SYNJ1: variants seen among roughly 807,000 people sequenced by gnomAD.
The protein encoded by SYNJ1 is polyphosphatidylinositol phosphatase SYNJ1.
In SYNJ1, 78 loss-of-function variants were observed where a neutral mutation model predicts 168.2. That is an observed-to-expected ratio of 0.46 (90% CI 0.39 to 0.56). The LOEUF (loss-of-function observed/expected upper bound fraction) is 0.56, where lower values mean the gene tolerates loss of function less well. Ranked by LOEUF, SYNJ1 falls within the 20% of genes least tolerant of loss-of-function variation. SYNJ1 has a pLI of 0.00. For missense variants in SYNJ1, 1,303 were observed against 1,597.6 expected (o/e 0.82, Z 3.14); for synonymous variants, 539 against 548.6 (o/e 0.98, Z 0.24).
At chr21:32,714,201 C>T (rs892054423) in intron 2 of SYNJ1, among the ~76,000 whole-genome samples, 2 of 152,054 alleles carry the variant, frequency 1.3e-5, no homozygotes, top group South Asian at 2.1e-4. Flanking sequence ...AACTGAAAGG[C>T]GGCCAATGAG....
At chr21:32,660,490 T>G (rs2040648570) in intron 18 of SYNJ1, among the ~76,000 whole-genome samples, 1 of 152,248 alleles carries the variant, frequency 6.6e-6, no homozygotes, top group Non-Finnish European at 1.5e-5. Flanking sequence ...CATGTTGGAC[T>G]CAGTTTATTC....
At chr21:32,639,227 C>A in intron 30 of SYNJ1, 102 bp from the exon 31 acceptor site, 1 of 1,065,732 alleles carries the variant, frequency 9.4e-7, no homozygotes, top group Non-Finnish European at 1.3e-6. Flanking sequence ...TATTTCTTCC[C>A]CCAATAAGTA....
Position 32,669,995 on chromosome 21 carries a change from A to G in SYNJ1, c.1811+293T>C, listed in dbSNP as rs566118035. 3.3e-5 allele frequency among the ~76,000 whole-genome samples: 5 copies of G among 152,334 alleles called. No individual in the cohort carries two copies. The East Asian group carries it at 9.6e-4, about 29-fold the overall frequency. Reference sequence around the variant, plus strand: ...AAAAATTTATTTTAAGTTAGCATGTAATAGGTTTATTATTGTTTTTAAGTG... The same window carrying G: ...AAAAATTTATTTTAAGTTAGCATGTGATAGGTTTATTATTGTTTTTAAGTG... On this transcript the variant is annotated intron_variant, in intron 15 of 32. Transcript: ENST00000674351.
At chr21:32,640,909 CCTGA>C (rs2145735323) in intron 29 of SYNJ1, among the ~76,000 whole-genome samples, 1 of 152,234 alleles carries the variant, frequency 6.6e-6, no homozygotes, top group East Asian at 1.9e-4. Context: ...TCACAAAAAT[CCTGA>C]CTTTCTTTTC....
At chr21:32,686,876 T>G in intron 8 of SYNJ1, 102 bp downstream of exon 8, 2 of 799,424 alleles carry the variant, frequency 2.5e-6, no homozygotes, top group East Asian at 6.5e-5. Context: ...TTCTTGGAAG[T>G]AATTTACTTC....
At chr21:32,675,539 C>T (rs375832931) in intron 13 of SYNJ1, among the ~76,000 whole-genome samples, 7 of 152,204 alleles carry the variant, frequency 4.6e-5, no homozygotes, top group South Asian at 4.1e-4. Context: ...CTACCCTTCT[C>T]GAGAAAATAA....
At chr21:32,657,982 A>C (rs2833936) in intron 18 of SYNJ1, 110 bp from the exon 19 acceptor site, 4 of 781,524 alleles carry the variant, frequency 5.1e-6, no homozygotes, top group Non-Finnish European at 8.3e-6. Context: ...TCTCAGAAGA[A>C]ATCTGTATGC....
chr21:32,686,897 C>T lies in SYNJ1; in HGVS notation c.948+81G>A, dbSNP rs844975. On this transcript the variant is annotated intron_variant, in intron 8 of 32. Coordinates refer to ENST00000674351, the MANE Select transcript of SYNJ1 (RefSeq NM_203446.3). ...GAAGTAATTTACTTCCTGGAAGAATCTGATTACTGTATTATTTTATTTTTT... is the reference window on the plus strand; with the variant it reads ...GAAGTAATTTACTTCCTGGAAGAATTTGATTACTGTATTATTTTATTTTTT... The T allele has an allele frequency of 0.52, 488,158 of 947,516 alleles. 129,142 individuals are homozygous for T. The highest frequency in any genetic ancestry group is 0.74 in the African/African-American group (41,719 of 56,592). 58.7% of individuals were successfully genotyped at this position (947,516 alleles called of 1,614,324 possible).
chr21:32,710,068 T>C (rs1259887520), intron 2 of SYNJ1, among the ~76,000 whole-genome samples: 2 of 151,972 alleles, frequency 1.3e-5, no homozygotes. Flanking sequence ...CCGGGCATGG[T>C]TGCAGACACC....
chr21:32,714,269 C>T (rs1240641333), intron 2 of SYNJ1, among the ~76,000 whole-genome samples: 1 of 152,154 alleles, frequency 6.6e-6, no homozygotes, highest in African/African-American at 2.4e-5. Context: ...GAAGCAGAAA[C>T]TCGATTTTAT....
intron 2 of SYNJ1, among the ~76,000 whole-genome samples, chr21:32,704,820 A>G (rs546069799): frequency 2.6e-5 from 4 of 152,310 alleles, no homozygotes; most frequent in African/African-American, 9.6e-5. Context: ...TCACAAATGC[A>G]AACAGAGAAA....
intron 22 of SYNJ1, 110 bp from the exon 23 acceptor site, chr21:32,650,456 T>A: frequency 1.1e-6 from 1 of 884,596 alleles, no homozygotes. Flanking sequence ...GTTAATTTAG[T>A]TAGACAATTC....
chr21:32,660,977 C>T (rs1054967223), intron 18 of SYNJ1, among the ~76,000 whole-genome samples: 1 of 152,202 alleles, frequency 6.6e-6, no homozygotes, highest in South Asian at 2.1e-4. Flanking sequence ...GCAGCATCTA[C>T]CCCTTACTGT....
At chr21:32,637,737 T>TA (rs2039644485) in intron 31 of SYNJ1, among the ~76,000 whole-genome samples, 1 of 152,174 alleles carries the variant, frequency 6.6e-6, no homozygotes, top group African/African-American at 2.4e-5. Flanking sequence ...TTTTCTAAAC[T>TA]AAAAAAATAT....
intron 29 of SYNJ1, 113 bp from the exon 30 acceptor site, chr21:32,639,892 A>C (rs1404565260): frequency 1.6e-5 from 13 of 820,378 alleles, no homozygotes; most frequent in Admixed American, 2.7e-5. Context: ...ATTAGTCCCT[A>C]ATTTGTCATT....
chr21:32,641,517 A>AT lies in SYNJ1; in HGVS notation c.3588+378dup, dbSNP rs200103816. Among the ~76,000 whole-genome samples the AT allele has an allele frequency of 4.2e-3, 641 of 151,118 alleles. 3 individuals are homozygous for AT. The highest frequency in any genetic ancestry group is 0.015 in the African/African-American group (598 of 41,226). On this transcript the variant is annotated intron_variant, in intron 29 of 32. Coordinates refer to ENST00000674351, the MANE Select transcript of SYNJ1 (RefSeq NM_203446.3). ...CCAGTTTTACTATACTGAATTTATC[A>AT]TTTTTTTTTCTGAAATGTAATTAAA...
chr21:32,717,477 G>A (rs2043066901), intron 2 of SYNJ1, among the ~76,000 whole-genome samples: 1 of 152,144 alleles, frequency 6.6e-6, no homozygotes, highest in South Asian at 2.1e-4. Flanking sequence ...TCGGTTACTT[G>A]GAAACAGTGG....
chr21:32,642,879 C>T (rs1333106028), intron 27 of SYNJ1, among the ~76,000 whole-genome samples: 1 of 152,154 alleles, frequency 6.6e-6, no homozygotes, highest in African/African-American at 2.4e-5. Context: ...ATAAGAAATA[C>T]ATCAGCCTTT....
At chr21:32,702,239 A>G (rs1198742101) in intron 2 of SYNJ1, among the ~76,000 whole-genome samples, 192 bp from the exon 3 acceptor site, 1 of 152,236 alleles carries the variant, frequency 6.6e-6, no homozygotes, top group East Asian at 1.9e-4. Context: ...AAGACCATCT[A>G]TTAATTAATC....
Sources: gnomAD v4.1 joint callset for allele counts (sites outside exome capture counted in the v4.1 genomes callset) on GRCh38, gnomAD v4.1.1 for gene constraint, MANE v1.5 for transcripts, NCBI Gene and HGNC (gene_info 2026-07-23, HGNC 2026-07-21) for gene names.